NOVA1: variants seen among roughly 807,000 people sequenced by gnomAD.
NOVA1 encodes RNA-binding protein Nova-1.
In NOVA1, 7 loss-of-function variants were observed where a neutral mutation model predicts 38.0. The ratio of observed to expected loss-of-function variants is 0.18; its 90% CI spans 0.10 to 0.35. The LOEUF is 0.35. NOVA1 is among the 10% of genes least tolerant of loss of function. NOVA1 has a pLI of 1.00. For synonymous variants in NOVA1, 270 were observed against 232.5 expected (o/e 1.16, Z -1.47); for missense variants, 460 against 616.0 (o/e 0.75, Z 2.68).
intron 2 of NOVA1, chr14:26,593,605 C>T (rs550057480): frequency 6.6e-6 from 1 of 151,884 alleles, no homozygotes; most frequent in African/African-American, 2.4e-5. Context: ...TTTTATTCAA[C>T]GCATTCCAGC....
At chr14:26,526,099 T>C (rs1220486875) in intron 2 of NOVA1, among the ~76,000 whole-genome samples, 3 of 152,114 alleles carry the variant, frequency 2.0e-5, no homozygotes, top group Non-Finnish European at 4.4e-5. Context: ...CTTGCTAATT[T>C]ATAATGTACT....
chr14:26,559,870 A>C (rs1247868026), intron 2 of NOVA1, among the ~76,000 whole-genome samples: 4 of 144,532 alleles, frequency 2.8e-5, no homozygotes, highest in African/African-American at 1.1e-4. Context: ...AATAGTTTGA[A>C]TATTTCTAGC....
In NOVA1 at chr14:26,448,839, T is replaced by C. The variant is rs2138552469; in HGVS notation, c.644A>G (p.Asn215Ser). The change falls in exon 5 of 5, where the codon AAC becomes AGC. Residue 215 changes from asparagine (N) to serine (S), a missense_variant. By Grantham distance (46) the Asn-to-Ser change is conservative. Transcript: ENST00000539517. This position sits in a 1 kb window ranked among gnomAD's most constrained non-coding sequence, Gnocchi z 5.3. ...CACAGTGACAACCCTCTCTTGCAAG[T>C]TGATCCCATCAGGTTTCTGGGAAAG... ...VQLSQKPDGI[N>S]LQERVVTVSG... is the part of the protein sequence containing the mutation. 3 of 1,614,130 alleles carry C rather than the reference T, an allele frequency of 1.9e-6. No individual in the cohort carries two copies. The highest frequency in any genetic ancestry group is 1.1e-5 in the South Asian group (1 of 91,082).
rs1566423745 is a variant in NOVA1 at position 26,447,277 on chromosome 14, T to G, written c.*682A>C. On this transcript the variant is annotated 3_prime_UTR_variant, in exon 5 of 5. Coordinates refer to ENST00000539517, the MANE Select transcript of NOVA1 (RefSeq NM_002515.3). ...AAGAGGTGGGACTCCATGTGAGAAC[T>G]TTTGTTGAACTTACAAATGATGAAG... is the stretch of plus-strand genomic sequence containing the variant. 6.5e-6 allele frequency: 1 copy of G among 152,778 alleles called. No homozygotes were observed. The highest frequency in any genetic ancestry group is 1.5e-5 in the Non-Finnish European group (1 of 68,164). The allele number at this position is 152,778 out of a possible 1,614,324, so 9.5% of individuals were successfully genotyped here.
At chr14:26,479,585 A>C (rs2138290675) in intron 3 of NOVA1, 1 of 186,484 alleles carries the variant, frequency 5.4e-6, no homozygotes, top group African/African-American at 2.3e-5. Flanking sequence ...AACTATCCTG[A>C]AAACTACAAA....
At chr14:26,477,942 T>G (rs979522265) in intron 3 of NOVA1, among the ~76,000 whole-genome samples, 2 of 152,164 alleles carry the variant, frequency 1.3e-5, no homozygotes, top group East Asian at 1.9e-4. Flanking sequence ...TTAGATTTAG[T>G]GTTGTCTTTT....
chr14:26,544,854 A>C (rs1890693201), intron 2 of NOVA1, among the ~76,000 whole-genome samples: 1 of 152,052 alleles, frequency 6.6e-6, no homozygotes, highest in South Asian at 2.1e-4. Context: ...AGAGAGAATA[A>C]AGTAACTCTC....
At chr14:26,463,284 T>C (rs949320572) in intron 4 of NOVA1, among the ~76,000 whole-genome samples, 3 of 152,192 alleles carry the variant, frequency 2.0e-5, no homozygotes, top group African/African-American at 4.8e-5. Context: ...TGTATCAACA[T>C]TGTATGAGCA....
At chr14:26,552,683 T>C (rs1891232796) in intron 2 of NOVA1, among the ~76,000 whole-genome samples, 1 of 152,196 alleles carries the variant, frequency 6.6e-6, no homozygotes, top group African/African-American at 2.4e-5. Flanking sequence ...TTGAGAATCA[T>C]GTTAATGTAA....
At chr14:26,470,303 C>CA (rs1020921713) in intron 4 of NOVA1, 18 of 1,397,878 alleles carry the variant, frequency 1.3e-5, no homozygotes, top group Middle Eastern at 1.8e-4. Flanking sequence ...AAATGAACAA[C>CA]AAAAAACACA....
intron 2 of NOVA1, among the ~76,000 whole-genome samples, chr14:26,487,674 T>C (rs1333686953): frequency 6.6e-6 from 1 of 152,104 alleles, no homozygotes; most frequent in Admixed American, 6.5e-5. Context: ...TTTAACACAT[T>C]TAAGAAAATC....
chr14:26,592,245 A>G (rs7153112), intron 2 of NOVA1, among the ~76,000 whole-genome samples: 217 of 151,654 alleles, frequency 1.4e-3, no homozygotes, highest in African/African-American at 4.9e-3. Flanking sequence ...TATGCCAAAT[A>G]AAAGAATAAA....
intron 2 of NOVA1, among the ~76,000 whole-genome samples, chr14:26,487,847 G>C (rs1254729188): frequency 6.6e-6 from 1 of 152,106 alleles, no homozygotes; most frequent in Non-Finnish European, 1.5e-5. Flanking sequence ...CACCACAGGA[G>C]ATGGTTAATA....
At chr14:26,495,222 T>C (rs1446678038) in intron 2 of NOVA1, among the ~76,000 whole-genome samples, 1 of 152,182 alleles carries the variant, frequency 6.6e-6, no homozygotes, top group Non-Finnish European at 1.5e-5. Flanking sequence ...GAGAAGACTT[T>C]CTTAACAGCC....
chr14:26,464,759 T>C (rs1224448584), intron 4 of NOVA1, among the ~76,000 whole-genome samples: 5 of 152,154 alleles, frequency 3.3e-5, no homozygotes, highest in Non-Finnish European at 1.5e-5. Flanking sequence ...AATATATTTA[T>C]ATTTTAATTT....
intron 4 of NOVA1, among the ~76,000 whole-genome samples, chr14:26,468,373 A>G (rs947827813): frequency 1.3e-5 from 2 of 151,982 alleles, no homozygotes; most frequent in African/African-American, 2.4e-5. Context: ...ACAGGGACGC[A>G]TATTAGTCAA....
At chr14:26,452,811 C>T (rs925595166) in intron 4 of NOVA1, among the ~76,000 whole-genome samples, 3 of 152,250 alleles carry the variant, frequency 2.0e-5, no homozygotes, top group East Asian at 1.9e-4. Flanking sequence ...CATTTATAAA[C>T]GCTTACTGAA....
intron 2 of NOVA1, among the ~76,000 whole-genome samples, chr14:26,516,937 G>A (rs909343185): frequency 7.9e-5 from 10 of 127,290 alleles, no homozygotes; most frequent in South Asian, 4.8e-4. Context: ...ATGGAGTCTC[G>A]CTCTGTTGCC....
At chr14:26,532,220 C>T (rs1488711296) in intron 2 of NOVA1, among the ~76,000 whole-genome samples, 1 of 151,924 alleles carries the variant, frequency 6.6e-6, no homozygotes, top group Non-Finnish European at 1.5e-5. Flanking sequence ...TAACTCTGCA[C>T]AAAGACTTGT....
Sources: gnomAD v4.1 joint callset for allele counts (sites outside exome capture counted in the v4.1 genomes callset) on GRCh38, gnomAD v4.1.1 for gene constraint, Gnocchi (gnomAD v3.1) non-coding constraint, MANE v1.5 for transcripts, NCBI Gene and HGNC (gene_info 2026-07-23, HGNC 2026-07-21) for gene names.